CUX1: variants seen among roughly 807,000 people sequenced by gnomAD.
CUX1 encodes cut like homeobox 1.
Under a neutral mutation model 158.8 loss-of-function variants are expected in CUX1, and 31 were observed. That is an observed-to-expected ratio of 0.20 (90% confidence interval 0.15 to 0.26). The LOEUF (loss-of-function observed/expected upper bound fraction) is 0.26, where lower values mean the gene tolerates loss of function less well. CUX1 is among the 10% of genes least tolerant of loss of function. CUX1 has a pLI of 1.00. For synonymous variants in CUX1, 879 were observed against 862.1 expected, an observed-to-expected ratio of 1.02 and a Z score of -0.34; for missense variants, 1,589 against 2,014.6, an observed-to-expected ratio of 0.79 and a Z score of 4.04.
intron 3 of CUX1, among the ~76,000 whole-genome samples, chr7:102,030,431 A>G (rs116666124): frequency 0.05 from 7,156 of 144,490 alleles, 604 homozygotes; most frequent in African/African-American, 0.17. Flanking sequence ...AGAAGCAGGC[A>G]CTGTGTCCCT....
chr7:101,820,222 C>T (rs994678132), intron 1 of CUX1, among the ~76,000 whole-genome samples: 1 of 152,182 alleles, frequency 6.6e-6, no homozygotes, highest in Non-Finnish European at 1.5e-5. Context: ...TGTTTCAGCT[C>T]CTCTGTAATG....
intron 10 of CUX1, among the ~76,000 whole-genome samples, chr7:102,174,644 T>C (rs184542356): frequency 1.3e-5 from 2 of 152,124 alleles, no homozygotes; most frequent in East Asian, 1.9e-4. Flanking sequence ...TGAGCCACAG[T>C]TTCAGATAAA....
intron 8 of CUX1, among the ~76,000 whole-genome samples, chr7:102,126,371 A>G (rs1832649934): frequency 2.0e-5 from 3 of 152,152 alleles, no homozygotes; most frequent in Admixed American, 1.3e-4. Context: ...AAAGCCATAC[A>G]TGTTTACTAT....
intron 2 of CUX1, among the ~76,000 whole-genome samples, chr7:101,939,232 G>T (rs1807403281): frequency 6.6e-6 from 1 of 150,944 alleles, no homozygotes; most frequent in Non-Finnish European, 1.5e-5. Flanking sequence ...GTATTTTCTG[G>T]AGTGTTACAT....
intron 22 of CUX1, chr7:102,282,835 A>G (rs1792194605): frequency 1.9e-6 from 2 of 1,049,552 alleles, no homozygotes; most frequent in African/African-American, 2.4e-5. Context: ...GCACCCCCGC[A>G]ACACCCCCGA....
At chr7:101,992,496 A>G (rs564055929) in intron 2 of CUX1, among the ~76,000 whole-genome samples, 1 of 152,202 alleles carries the variant, frequency 6.6e-6, no homozygotes, top group East Asian at 1.9e-4. Context: ...TGGGTGATGG[A>G]GCTCCCAAGT....
intron 2 of CUX1, among the ~76,000 whole-genome samples, chr7:102,010,947 A>ATTTTT (rs1817932815): frequency 6.6e-6 from 1 of 152,018 alleles, no homozygotes; most frequent in African/African-American, 2.4e-5. Context: ...CCCCATCTCT[A>ATTTTT]CTAAAAATAC....
chr7:101,893,181 TTTTTA>T (rs1194347385), intron 1 of CUX1, among the ~76,000 whole-genome samples: 8 of 87,486 alleles, frequency 9.1e-5, no homozygotes, highest in South Asian at 5.5e-4. Flanking sequence ...TTTTTTTTTT[TTTTTA>T]AAATAGAGAT....
intron 2 of CUX1, among the ~76,000 whole-genome samples, chr7:101,920,545 G>A (rs1289795472): frequency 2.6e-5 from 4 of 152,328 alleles, no homozygotes; most frequent in Middle Eastern, 3.4e-3. Flanking sequence ...ACAGGCACGA[G>A]CCACTGCGCC....
intron 14 of CUX1, among the ~76,000 whole-genome samples, chr7:102,265,445 A>G (rs1433675968): frequency 6.6e-6 from 1 of 151,206 alleles, no homozygotes; most frequent in African/African-American, 2.4e-5. Context: ...CAAGGTCACT[A>G]TTTTTTTTAA....
chr7:102,090,037 C>T (rs1828371319), intron 4 of CUX1, among the ~76,000 whole-genome samples: 1 of 152,158 alleles, frequency 6.6e-6, no homozygotes, highest in African/African-American at 2.4e-5. Flanking sequence ...GACCAGAGCA[C>T]AAGTTGAGTA....
At chr7:101,890,572 A>AT (rs1800774399) in intron 1 of CUX1, among the ~76,000 whole-genome samples, 1 of 151,842 alleles carries the variant, frequency 6.6e-6, no homozygotes, top group Non-Finnish European at 1.5e-5. Flanking sequence ...CGCGCCTTAC[A>AT]TTTTTTTTAA....
chr7:102,124,868 G>A (rs1451691714), intron 8 of CUX1, among the ~76,000 whole-genome samples: 5 of 150,844 alleles, frequency 3.3e-5, no homozygotes, highest in South Asian at 4.2e-4. Context: ...TGCAACCTCC[G>A]CCTCCTGGGT....
chr7:102,257,693 A>G lies in CUX1; in HGVS notation c.*8651A>G, dbSNP rs1185779425. The G allele has an allele frequency of 1.0e-6, 1 of 985,408 alleles. No individual in the cohort carries two copies. Among genetic ancestry groups the G allele is most frequent in the Admixed American group, 6.2e-5 (1 of 16,240 alleles). The allele number at this position is 985,408 out of a possible 1,614,324, so 61.0% of individuals were successfully genotyped here. A position where few individuals can be genotyped will look rare whatever the true frequency, so the allele number is the denominator to read the frequency against. ...GGCGGAATCTTCCGGAAAACTCTCT[A>G]TAAGCTCAGCTCCCCCCACCCCACC... On this transcript the variant is annotated 3_prime_UTR_variant, in exon 24 of 24. Transcript: ENST00000292535.
intron 10 of CUX1, among the ~76,000 whole-genome samples, chr7:102,176,945 T>C (rs1200032655): frequency 7.8e-6 from 1 of 128,060 alleles, no homozygotes; most frequent in Non-Finnish European, 1.7e-5. Flanking sequence ...ATTTGACTTT[T>C]TCCTTTTTTT....
rs551079691 is a variant in CUX1 at position 102,007,074 on chromosome 7, C to T, written c.142-21024C>T. 5.9e-5 allele frequency among the ~76,000 whole-genome samples: 9 copies of T among 152,140 alleles called. No individual in the cohort carries two copies. In the East Asian group the frequency reaches 7.8e-4, roughly 13 times the overall value. ...TCATCCAAGGAACAGACCCCATGCA[C>T]GGAGCCTAGATGCCCCGAGGTCTTC... is the stretch of plus-strand genomic sequence containing the variant. On this transcript the variant is annotated intron_variant, in intron 2 of 23. Transcript: ENST00000292535.
intron 5 of CUX1, among the ~76,000 whole-genome samples, chr7:102,103,359 C>CTGCT (rs1226844331): frequency 1.3e-5 from 2 of 152,146 alleles, no homozygotes; most frequent in African/African-American, 2.4e-5. Context: ...AGGGCCAGGC[C>CTGCT]TGCTTGCTTG....
At chr7:102,171,447 T>C (rs569114341) in intron 10 of CUX1, among the ~76,000 whole-genome samples, 1 of 151,458 alleles carries the variant, frequency 6.6e-6, no homozygotes, top group South Asian at 2.1e-4. Context: ...GGGTTTTTTT[T>C]TTTTTTCTTT....
chr7:102,093,995 C>T (rs960722889), intron 4 of CUX1, among the ~76,000 whole-genome samples: 2 of 152,140 alleles, frequency 1.3e-5, no homozygotes, highest in Non-Finnish European at 2.9e-5. Context: ...CCTGACAATC[C>T]TTGTGTGGGG....
Sources: gnomAD v4.1 joint callset for allele counts (sites outside exome capture counted in the v4.1 genomes callset) on GRCh38, gnomAD v4.1.1 for gene constraint, MANE v1.5 for transcripts, NCBI Gene and HGNC (gene_info 2026-07-23, HGNC 2026-07-21) for gene names.